CDKAL1: variants seen among roughly 807,000 people sequenced by gnomAD.
CDKAL1 encodes CDKAL1 threonylcarbamoyladenosine tRNA methylthiotransferase, also known as threonylcarbamoyladenosine tRNA methylthiotransferase.
Under a neutral mutation model 68.2 loss-of-function variants are expected in CDKAL1, and 32 were observed. That is an observed-to-expected ratio of 0.47 (90% confidence interval 0.35 to 0.63). The LOEUF is 0.63. Ranked by LOEUF, CDKAL1 falls within the 30% of genes least tolerant of loss-of-function variation. The pLI is 0.00. For synonymous variants in CDKAL1, 234 were observed against 244.3 expected (o/e 0.96, Z 0.39); for missense variants, 606 against 696.7 (o/e 0.87, Z 1.47).
chr6:21,066,472 A>G (rs1771445364), intron 12 of CDKAL1, among the ~76,000 whole-genome samples: 1 of 152,234 alleles, frequency 6.6e-6, no homozygotes, highest in South Asian at 2.1e-4. Flanking sequence ...GGGATAACTT[A>G]CATACAGCAA....
chr6:20,909,204 TG>T (rs1762358977), intron 9 of CDKAL1, among the ~76,000 whole-genome samples: 1 of 141,328 alleles, frequency 7.1e-6, no homozygotes, highest in Non-Finnish European at 1.5e-5. Flanking sequence ...TGTGTGTGTG[TG>T]TGTGTGTGTG....
chr6:20,850,848 A>T (rs1165995150), intron 9 of CDKAL1, among the ~76,000 whole-genome samples: 1 of 152,224 alleles, frequency 6.6e-6, no homozygotes, highest in African/African-American at 2.4e-5. Context: ...AGTCATTCTG[A>T]ATATAAAATG....
chr6:20,699,746 G>C (rs963279668), intron 5 of CDKAL1, among the ~76,000 whole-genome samples: 3 of 152,118 alleles, frequency 2.0e-5, no homozygotes, highest in Non-Finnish European at 2.9e-5. Flanking sequence ...CAGCTGTAGC[G>C]AGAAGACCAT....
intron 15 of CDKAL1, among the ~76,000 whole-genome samples, chr6:21,224,613 A>AT (rs1425514300): frequency 6.6e-6 from 1 of 152,192 alleles, no homozygotes; most frequent in Non-Finnish European, 1.5e-5. Flanking sequence ...ATGTAGGCAA[A>AT]TTGTAGAACC....
intron 13 of CDKAL1, among the ~76,000 whole-genome samples, chr6:21,110,399 C>A (rs935108454): frequency 1.3e-5 from 2 of 152,146 alleles, no homozygotes; most frequent in African/African-American, 4.8e-5. Flanking sequence ...ACTATTTTCC[C>A]AATCTGAGAA....
chr6:20,992,208 A>ATATATATATATATGTATG (rs200094831), intron 10 of CDKAL1, among the ~76,000 whole-genome samples: 2 of 144,558 alleles, frequency 1.4e-5, no homozygotes, highest in African/African-American at 5.7e-5. Context: ...ATATATATAT[A>ATATATATATATATGTATG]TATGTATTTT....
At chr6:20,732,263 CTTT>C (rs56911987) in intron 5 of CDKAL1, among the ~76,000 whole-genome samples, 18 of 83,468 alleles carry the variant, frequency 2.2e-4, no homozygotes, top group African/African-American at 5.9e-4. Context: ...TTCTTTCTTT[CTTT>C]TTTTTTTTTT....
chr6:20,618,167 G>A (rs1581833549), intron 4 of CDKAL1, among the ~76,000 whole-genome samples: 2 of 152,322 alleles, frequency 1.3e-5, no homozygotes, highest in East Asian at 1.9e-4. Flanking sequence ...CTGATGGCCA[G>A]TGATGATGAG....
intron 5 of CDKAL1, among the ~76,000 whole-genome samples, chr6:20,738,699 A>T (rs1017251347): frequency 2.0e-5 from 3 of 151,898 alleles, no homozygotes; most frequent in African/African-American, 7.3e-5. Context: ...AGGTCTCGCG[A>T]TGTTGCCCAG....
At chr6:20,853,165 T>A (rs907518138) in intron 9 of CDKAL1, among the ~76,000 whole-genome samples, 2 of 151,852 alleles carry the variant, frequency 1.3e-5, no homozygotes, top group African/African-American at 4.8e-5. Context: ...GCAGATCACT[T>A]GAGTTCAGGA....
chr6:20,996,786 A>G (rs912662779), intron 10 of CDKAL1, among the ~76,000 whole-genome samples: 1 of 152,256 alleles, frequency 6.6e-6, no homozygotes, highest in Non-Finnish European at 1.5e-5. Context: ...CAGGGTTGCC[A>G]CAAACCTTCA....
At chr6:20,735,498 T>C (rs1773150298) in intron 5 of CDKAL1, among the ~76,000 whole-genome samples, 1 of 152,110 alleles carries the variant, frequency 6.6e-6, no homozygotes, top group Non-Finnish European at 1.5e-5. Context: ...AAACGACTCC[T>C]ATGATTCAGT....
At chr6:20,686,799 C>T (rs1419651842) in intron 5 of CDKAL1, among the ~76,000 whole-genome samples, 3 of 152,016 alleles carry the variant, frequency 2.0e-5, no homozygotes, top group South Asian at 2.1e-4. Flanking sequence ...AGTTTCTCAC[C>T]GTTAAGTATG....
chr6:20,639,344 A>T (rs1345337601), intron 4 of CDKAL1, among the ~76,000 whole-genome samples: 1 of 151,958 alleles, frequency 6.6e-6, no homozygotes, highest in Non-Finnish European at 1.5e-5. Flanking sequence ...TCAGAGACTC[A>T]CTCTACAGAC....
intron 10 of CDKAL1, among the ~76,000 whole-genome samples, chr6:20,975,526 C>T (rs1765803016): frequency 6.6e-6 from 1 of 152,134 alleles, no homozygotes; most frequent in African/African-American, 2.4e-5. Context: ...TCTTTGCATA[C>T]ATAACATCTA....
intron 11 of CDKAL1, among the ~76,000 whole-genome samples, chr6:21,017,828 TTTC>T (rs936547732): frequency 2.0e-5 from 3 of 152,142 alleles, no homozygotes; most frequent in African/African-American, 7.2e-5. Flanking sequence ...CTTAATTTTC[TTTC>T]TTGGGTTTAA....
chr6:21,218,000 C>A (rs558410858), intron 15 of CDKAL1, among the ~76,000 whole-genome samples: 1 of 152,328 alleles, frequency 6.6e-6, no homozygotes, highest in East Asian at 1.9e-4. Context: ...GTTAACCTCT[C>A]TGGTTAGAAG....
intron 6 of CDKAL1, among the ~76,000 whole-genome samples, chr6:20,745,762 A>G (rs1025436242): frequency 6.6e-6 from 1 of 152,164 alleles, no homozygotes; most frequent in African/African-American, 2.4e-5. Flanking sequence ...ATGTTTTAAG[A>G]AAGTTTATTA....
chr6:20,732,263 C>CTTTTTTTTTTTTT (rs56911987), intron 5 of CDKAL1, among the ~76,000 whole-genome samples: 187 of 83,480 alleles, frequency 2.2e-3, no homozygotes, highest in African/African-American at 2.5e-3. Context: ...TTCTTTCTTT[C>CTTTTTTTTTTTTT]TTTTTTTTTT....
Sources: gnomAD v4.1 joint callset for allele counts (sites outside exome capture counted in the v4.1 genomes callset) on GRCh38, gnomAD v4.1.1 for gene constraint, MANE v1.5 for transcripts, NCBI Gene and HGNC (gene_info 2026-07-23, HGNC 2026-07-21) for gene names.